The following CCDC102B variants were observed in gnomAD, a reference collection of about 807,000 sequenced individuals.
The protein encoded by CCDC102B is coiled-coil domain-containing protein 102B.
CCDC102B carries 75 observed loss-of-function variants against 57.4 expected under a neutral mutation model. That is an observed-to-expected ratio of 1.31 (90% CI 1.08 to 1.58). The LOEUF is 1.58. CCDC102B is among the 40% of genes most tolerant of loss of function. The probability of loss-of-function intolerance (pLI) is 0.00; values close to 1 mark genes in which losing one functional copy is unlikely to be tolerated. For synonymous variants in CCDC102B, 206 were observed against 201.9 expected, an observed-to-expected ratio of 1.02 and a Z score of -0.17; for missense variants, 636 against 582.6, an observed-to-expected ratio of 1.09 and a Z score of -0.94.
intron 6 of CCDC102B, among the ~76,000 whole-genome samples, chr18:68,961,760 C>T (rs1432884962): frequency 6.6e-6 from 1 of 151,954 alleles, no homozygotes; most frequent in Admixed American, 6.6e-5. Flanking sequence ...TATGTATTTG[C>T]TCATATAAAA....
intron 6 of CCDC102B, among the ~76,000 whole-genome samples, chr18:68,971,762 A>G (rs1004795538): frequency 6.6e-6 from 1 of 152,160 alleles, no homozygotes; most frequent in African/African-American, 2.4e-5. Flanking sequence ...CAGAAAACCC[A>G]GTGCTTATTA....
In CCDC102B at chr18:69,054,189, A is replaced by G. The variant is rs369224103; in HGVS notation, c.*52A>G. On this transcript the variant is annotated 3_prime_UTR_variant, in exon 8 of 8. Transcript: ENST00000360242. ...AGATTAGGGCCTTAAAGACATTTCC[A>G]TATCCTTTTCTTAAATATCAGTAAA... is the stretch of plus-strand genomic sequence containing the variant. 3 of 1,509,804 alleles carry G rather than the reference A, an allele frequency of 2.0e-6. No individual in the cohort carries two copies. The highest frequency in any genetic ancestry group is 2.9e-5 in the African/African-American group (2 of 69,872). The allele number at this position is 1,509,804 out of a possible 1,614,324, so 93.5% of individuals were successfully genotyped here.
intron 5 of CCDC102B, among the ~76,000 whole-genome samples, chr18:68,880,345 GC>G (rs1341987217): frequency 1.3e-5 from 2 of 152,244 alleles, no homozygotes; most frequent in East Asian, 3.9e-4. Context: ...CGCAAGCACC[GC>G]GCGCAGCCCC....
upstream of CCDC102B, among the ~76,000 whole-genome samples, chr18:68,793,770 A>G (rs1465723014): frequency 6.6e-6 from 1 of 152,174 alleles, no homozygotes; most frequent in Non-Finnish European, 1.5e-5. Flanking sequence ...TAAATACAAC[A>G]TTATCTTCTT....
At chr18:68,913,715 CT>C (rs1307395688) in intron 6 of CCDC102B, among the ~76,000 whole-genome samples, 1 of 150,852 alleles carries the variant, frequency 6.6e-6, no homozygotes, top group Non-Finnish European at 1.5e-5. Context: ...GTCAATAAAG[CT>C]AAAGAAAGTG....
chr18:68,994,871 A>C (rs1177165380), intron 6 of CCDC102B, among the ~76,000 whole-genome samples: 1 of 152,228 alleles, frequency 6.6e-6, no homozygotes, highest in Admixed American at 6.5e-5. Flanking sequence ...CTATAAAGAT[A>C]CCTGAAAATG....
chr18:69,056,635 T>TG (rs372968559), downstream of CCDC102B, among the ~76,000 whole-genome samples: 1 of 70,584 alleles, frequency 1.4e-5, no homozygotes, highest in African/African-American at 4.0e-5. Flanking sequence ...GATAGATAGA[T>TG]AATAGATAGA....
At chr18:68,823,039 A>G (rs1480034919) in intron 1 of CCDC102B, among the ~76,000 whole-genome samples, 2 of 152,114 alleles carry the variant, frequency 1.3e-5, no homozygotes, top group Non-Finnish European at 2.9e-5. Flanking sequence ...GTCTGGGGCC[A>G]AGCCTTCATT....
intron 2 of CCDC102B, among the ~76,000 whole-genome samples, chr18:68,751,672 T>C (rs1421935004): frequency 6.6e-6 from 1 of 152,074 alleles, no homozygotes; most frequent in Non-Finnish European, 1.5e-5. Flanking sequence ...TAAGATTAAT[T>C]TGGAGATTAT....
Position 68,865,904 on chromosome 18 carries a change from A to T in CCDC102B, c.937-8765A>T, listed in dbSNP as rs1229000587. On this transcript the variant is annotated intron_variant, in intron 4 of 7. Transcript: ENST00000360242. ...GTGGCTTTGCCATGTATTTAGAAGG[A>T]TATTTAATAAAACACAACAACTCTA... Among the ~76,000 whole-genome samples, 3 of 152,294 alleles carry T rather than the reference A, an allele frequency of 2.0e-5. 1 individual carries two copies. The highest frequency in any genetic ancestry group is 4.1e-4 in the South Asian group (2 of 4,826).
At chr18:68,976,157 A>G (rs1402727133) in intron 6 of CCDC102B, among the ~76,000 whole-genome samples, 2 of 152,038 alleles carry the variant, frequency 1.3e-5, no homozygotes, top group Non-Finnish European at 2.9e-5. Context: ...AGTAATTGGT[A>G]CATTTGTATT....
At chr18:68,854,731 G>C (rs9958218) in intron 4 of CCDC102B, among the ~76,000 whole-genome samples, 22,374 of 152,118 alleles carry the variant, frequency 0.15, 1,914 homozygotes, top group South Asian at 0.26. Flanking sequence ...CTCGGGATCT[G>C]ACTCTTAGTA....
At chr18:69,009,910 T>G (rs373707280) in intron 6 of CCDC102B, among the ~76,000 whole-genome samples, 9 of 142,180 alleles carry the variant, frequency 6.3e-5, no homozygotes, top group Non-Finnish European at 1.1e-4. Flanking sequence ...TTTTTCTTTA[T>G]AGTTTTAATA....
chr18:68,877,903 C>T (rs1322091883), intron 5 of CCDC102B, among the ~76,000 whole-genome samples: 1 of 152,028 alleles, frequency 6.6e-6, no homozygotes, highest in African/African-American at 2.4e-5. Flanking sequence ...TGCAATAGTG[C>T]GTGGCTCGTA....
chr18:69,014,342 A>G (rs939786236), intron 7 of CCDC102B, among the ~76,000 whole-genome samples: 1 of 152,184 alleles, frequency 6.6e-6, no homozygotes, highest in East Asian at 1.9e-4. Flanking sequence ...AGATATGGTC[A>G]CAGTATCTAA....
At position 68,846,374 on chromosome 18, in the gene CCDC102B, T is replaced by C. The variant is rs1222864158; in HGVS notation, c.889T>C (p.Trp297Arg). Residue 297 changes from tryptophan (W) to arginine (R), a missense_variant, in exon 4 of 8, where the codon TGG becomes CGG. Transcript: ENST00000360242. ...GGAGTCGGCTTTGTCTCTGTGGAAG[T>C]GGAAGTATGAAGAACTGAAAGAATC... The part of the protein sequence containing the change: ...RLESALSLWK[W>R]KYEELKESKP... 6.3e-7 allele frequency: 1 copy of C among 1,591,474 alleles called. No individual in the cohort carries two copies. Among genetic ancestry groups the C allele is most frequent in the Non-Finnish European group, 8.5e-7 (1 of 1,170,426 alleles).
In CCDC102B at chr18:68,837,287, A is replaced by C; in HGVS notation, c.524A>C (p.Gln175Pro). 5 of 1,614,100 alleles carry C rather than the reference A, an allele frequency of 3.1e-6. No individual in the cohort carries two copies. Among genetic ancestry groups the C allele is most frequent in the Non-Finnish European group, 4.2e-6 (5 of 1,179,968 alleles). The change falls in exon 2 of 8, where the codon CAA (glutamine) becomes CCA (proline). Residue 175 changes from glutamine to proline, a missense_variant. Gln to Pro is a moderately conservative substitution (Grantham distance 76). Coordinates refer to ENST00000360242, the MANE Select transcript of CCDC102B (RefSeq NM_024781.3). ...EESCEHTDQF[Q>P]LSSQMHESIR... ...TCCTGTGAACATACAGACCAATTTC[A>C]ATTGAGTTCACAAATGCATGAGTCT...
chr18:68,873,832 AT>A (rs1568303654), intron 4 of CCDC102B, among the ~76,000 whole-genome samples: 1 of 110,000 alleles, frequency 9.1e-6, no homozygotes, highest in Admixed American at 9.7e-5. Context: ...CTTAAAATAT[AT>A]GTCAATACAA....
intron 2 of CCDC102B, chr18:68,734,596 CCTG>C (rs1274843189): frequency 1.7e-4 from 26 of 152,196 alleles, no homozygotes; most frequent in African/African-American, 6.3e-4. Flanking sequence ...TGAAGCAATG[CCTG>C]CTAATTCAGC....
Sources: allele counts gnomAD v4.1 joint callset (sites outside exome capture counted in the v4.1 genomes callset), GRCh38; gene constraint gnomAD v4.1.1; transcripts MANE v1.5; gene names NCBI Gene and HGNC (gene_info 2026-07-23, HGNC 2026-07-21).